Variants in ACACA observed in about 807,000 individuals in gnomAD.
ACACA encodes acetyl-CoA carboxylase alpha, also known as acetyl-CoA carboxylase 1.
ACACA carries 103 observed loss-of-function variants against 296.1 expected under a neutral mutation model. The observed-to-expected ratio is 0.35, with a 90% CI of 0.30 to 0.41. The LOEUF is 0.41. Ranked by LOEUF, ACACA falls within the 10% of genes least tolerant of loss-of-function variation. The probability of loss-of-function intolerance (pLI) is 1.00; values close to 1 mark genes in which losing one functional copy is unlikely to be tolerated. For synonymous variants in ACACA, 953 were observed against 1,038.6 expected (o/e 0.92, Z 1.58); for missense variants, 1,554 against 2,989.7 (o/e 0.52, Z 11.20).
chr17:37,242,651 G>A (rs1567869291), intron 22 of ACACA, among the ~76,000 whole-genome samples: 1 of 152,082 alleles, frequency 6.6e-6, no homozygotes, highest in African/African-American at 2.4e-5. Flanking sequence ...TGAGCCATTG[G>A]GCCTATGGGG....
At position 37,149,969 on chromosome 17, in the gene ACACA, C is replaced by T. The variant is rs777992403; in HGVS notation, c.5574G>A (p.Thr1858=). The part of the protein sequence containing the change: ...YNEIITISLV[T]CRAIGIGAYL... Reference sequence around the variant, plus strand: ...AAGCCCCAATCCCAATGGCCCGGCACGTCACCTTAGAAAAGAATAAATTCT... The same window carrying T: ...AAGCCCCAATCCCAATGGCCCGGCATGTCACCTTAGAAAAGAATAAATTCT... The change falls in exon 45 of 56, where the codon ACG becomes ACA. Residue 1858 remains threonine (T), a synonymous_variant. Coordinates refer to ENST00000616317, the MANE Select transcript of ACACA (RefSeq NM_198834.3). 37 of 1,614,032 alleles carry T rather than the reference C, an allele frequency of 2.3e-5. No homozygotes were observed. The highest frequency in any genetic ancestry group is 1.6e-4 in the East Asian group (7 of 44,886).
intron 45 of ACACA, among the ~76,000 whole-genome samples, chr17:37,145,211 A>G (rs1035213665): frequency 1.3e-5 from 2 of 152,252 alleles, no homozygotes; most frequent in East Asian, 3.8e-4. Context: ...TCATCTCTGC[A>G]AATGTCCAGT....
intron 1 of ACACA, among the ~76,000 whole-genome samples, chr17:37,401,196 CTTT>C (rs1234610912): frequency 3.7e-5 from 5 of 134,320 alleles, no homozygotes; most frequent in Non-Finnish European, 3.2e-5. Flanking sequence ...TTTTGTTTTT[CTTT>C]TTTTTTTTTT....
At chr17:37,280,886 T>C (rs2542663) in intron 5 of ACACA, among the ~76,000 whole-genome samples, 32,777 of 151,986 alleles carry the variant, frequency 0.22, 3,853 homozygotes, top group Admixed American at 0.35. Context: ...GCAAATACTA[T>C]ATCACATCTT....
At chr17:37,359,248 C>G (rs2049296463) in intron 1 of ACACA, 1 of 685,758 alleles carries the variant, frequency 1.5e-6, no homozygotes, top group Non-Finnish European at 1.8e-6. Flanking sequence ...TCACCTCCGA[C>G]CCCGCTCCGG....
intron 35 of ACACA, among the ~76,000 whole-genome samples, chr17:37,197,762 C>T (rs973001260): frequency 1.3e-5 from 2 of 152,186 alleles, no homozygotes; most frequent in African/African-American, 4.8e-5. Flanking sequence ...GTTGCCCTTG[C>T]ACCTTGCAAA....
chr17:37,398,825 C>G (rs1342496758), intron 1 of ACACA, among the ~76,000 whole-genome samples: 1 of 143,114 alleles, frequency 7.0e-6, no homozygotes, highest in East Asian at 2.2e-4. Flanking sequence ...TTCAAGTGAC[C>G]CACCCACATC....
chr17:37,372,329 T>C (rs1056682906), intron 1 of ACACA, among the ~76,000 whole-genome samples: 3 of 147,778 alleles, frequency 2.0e-5, no homozygotes, highest in Non-Finnish European at 4.5e-5. Context: ...AGGAGAATGG[T>C]GTGAACCCAG....
At chr17:37,324,133 G>C (rs540116583) in intron 3 of ACACA, among the ~76,000 whole-genome samples, 1 of 152,230 alleles carries the variant, frequency 6.6e-6, no homozygotes, top group Non-Finnish European at 1.5e-5. Context: ...TTGGGAGGCC[G>C]AGGTGGGCAG....
chr17:37,354,808 G>A (rs901896318), intron 1 of ACACA, among the ~76,000 whole-genome samples: 1 of 152,108 alleles, frequency 6.6e-6, no homozygotes, highest in Non-Finnish European at 1.5e-5. Flanking sequence ...GTGTACACCT[G>A]CAGTCCCAGC....
At chr17:37,151,753 C>T (rs1044799934) in intron 43 of ACACA, among the ~76,000 whole-genome samples, 1 of 152,158 alleles carries the variant, frequency 6.6e-6, no homozygotes, top group South Asian at 2.1e-4. Flanking sequence ...GCTCTGCCTC[C>T]CGGGTTCACG....
At chr17:37,390,304 T>TTATATATATA (rs1189193698) in intron 1 of ACACA, among the ~76,000 whole-genome samples, 15 of 17,976 alleles carry the variant, frequency 8.3e-4, no homozygotes, top group South Asian at 1.9e-3. Context: ...TTATACATAA[T>TTATATATATA]TATATATATA....
At chr17:37,208,544 T>C (rs187412979) in intron 30 of ACACA, among the ~76,000 whole-genome samples, 46 of 152,256 alleles carry the variant, frequency 3.0e-4, no homozygotes, top group African/African-American at 1.0e-3. Flanking sequence ...AAAATCTCCA[T>C]TGAAAGCCCT....
intron 25 of ACACA, among the ~76,000 whole-genome samples, chr17:37,230,061 CAAAATAAAAT>C (rs200709221): frequency 8.7e-5 from 13 of 149,126 alleles, no homozygotes; most frequent in Non-Finnish European, 1.8e-4. Context: ...AATTCCGTCT[CAAAATAAAAT>C]AAAATAAAAT....
At chr17:37,201,094 A>G (rs548358941) in intron 33 of ACACA, among the ~76,000 whole-genome samples, 6 of 152,318 alleles carry the variant, frequency 3.9e-5, no homozygotes, top group Admixed American at 3.3e-4. Flanking sequence ...TAGGCCTTTA[A>G]ATTTAGGAAC....
At chr17:37,263,051 A>C (rs1030738168) in intron 11 of ACACA, among the ~76,000 whole-genome samples, 1 of 152,198 alleles carries the variant, frequency 6.6e-6, no homozygotes, top group African/African-American at 2.4e-5. Flanking sequence ...TTTTGAAGGC[A>C]TCTTTATTAC....
At chr17:37,326,782 T>C (rs2047642823) in intron 3 of ACACA, among the ~76,000 whole-genome samples, 1 of 151,164 alleles carries the variant, frequency 6.6e-6, no homozygotes, top group Non-Finnish European at 1.5e-5. Flanking sequence ...TGAGCCGAGA[T>C]GGTACCACTG....
At position 37,181,441 on chromosome 17, in the gene ACACA, T is replaced by C; in HGVS notation, c.4777-85A>G. On this transcript the variant is annotated intron_variant, in intron 39 of 55. Transcript: ENST00000616317. ...TAGAGGGGCTTTTTTTGCACAAATATTATCTCTTTGAAAACATTTTTGGTA... is the reference window on the plus strand; with the variant it reads ...TAGAGGGGCTTTTTTTGCACAAATACTATCTCTTTGAAAACATTTTTGGTA... The C allele has an allele frequency of 2.7e-6, 4 of 1,475,520 alleles. No individual in the cohort carries two copies. In the South Asian group the frequency reaches 4.6e-5, roughly 17 times the overall value. The allele number at this position is 1,475,520 out of a possible 1,614,324, so 91.4% of individuals were successfully genotyped here. A position where few individuals can be genotyped will look rare whatever the true frequency, so the allele number is the denominator to read the frequency against.
At chr17:37,184,979 T>A (rs2077470581) in intron 39 of ACACA, among the ~76,000 whole-genome samples, 1 of 152,134 alleles carries the variant, frequency 6.6e-6, no homozygotes, top group Admixed American at 6.5e-5. Context: ...CACAAAATAG[T>A]ACACACTGTT....
Sources: gnomAD v4.1 joint callset for allele counts (sites outside exome capture counted in the v4.1 genomes callset) on GRCh38, gnomAD v4.1.1 for gene constraint, MANE v1.5 for transcripts, NCBI Gene and HGNC (gene_info 2026-07-23, HGNC 2026-07-21) for gene names.